The following ETV1 variants were observed in gnomAD, a reference collection of about 807,000 sequenced individuals.
ETV1 encodes the protein ETS variant transcription factor 1.
Under a neutral mutation model 62.3 loss-of-function variants are expected in ETV1, and 27 were observed. The observed-to-expected ratio is 0.43, with a 90% CI of 0.32 to 0.60. ETV1 has a LOEUF of 0.60. Ranked by LOEUF, ETV1 falls within the 20% of genes least tolerant of loss-of-function variation. The probability of loss-of-function intolerance (pLI) is 0.06; values close to 1 mark genes in which losing one functional copy is unlikely to be tolerated. For synonymous variants in ETV1, 222 were observed against 199.6 expected (o/e 1.11, Z -0.94); for missense variants, 605 against 605.8 (o/e 1.00, Z 0.01).
At chr7:13,976,296 G>T (rs1041290348) in intron 6 of ETV1, among the ~76,000 whole-genome samples, 2 of 152,168 alleles carry the variant, frequency 1.3e-5, no homozygotes, top group Non-Finnish European at 2.9e-5. Context: ...AGTGGTGAAG[G>T]TTGTACAACA....
chr7:13,960,591 A>C (rs1790054172), intron 6 of ETV1, among the ~76,000 whole-genome samples: 1 of 152,092 alleles, frequency 6.6e-6, no homozygotes, highest in Non-Finnish European at 1.5e-5. Flanking sequence ...TAAATCTATA[A>C]AATTTATAAA....
intron 4 of ETV1, among the ~76,000 whole-genome samples, chr7:13,987,452 T>C (rs901016751): frequency 1.3e-5 from 2 of 152,178 alleles, no homozygotes; most frequent in African/African-American, 4.8e-5. Context: ...ATGGCTAAAA[T>C]AATTTGTAAC....
At chr7:13,972,911 T>C (rs919063752) in intron 6 of ETV1, among the ~76,000 whole-genome samples, 3 of 152,204 alleles carry the variant, frequency 2.0e-5, no homozygotes, top group Non-Finnish European at 4.4e-5. Flanking sequence ...GCCCAGGCTC[T>C]GTTTTCACTT....
chr7:13,897,415 T>G (rs940457377), intron 13 of ETV1, among the ~76,000 whole-genome samples: 4 of 152,220 alleles, frequency 2.6e-5, no homozygotes, highest in African/African-American at 9.6e-5. Flanking sequence ...AGAACATTTT[T>G]TGTTTCTTTT....
intron 9 of ETV1, among the ~76,000 whole-genome samples, chr7:13,913,870 G>C (rs1279067735): frequency 1.4e-5 from 2 of 147,878 alleles, no homozygotes; most frequent in African/African-American, 5.0e-5. Context: ...AACTATTTGG[G>C]GGTACCTCTT....
At chr7:13,988,841 C>T in intron 3 of ETV1, 167 bp downstream of exon 3, 2 of 1,594,874 alleles carry the variant, frequency 1.3e-6, no homozygotes, top group Admixed American at 1.8e-5. Context: ...AAGGTAAGCT[C>T]ATTTTGAAGA....
In ETV1 at chr7:13,957,231, G is replaced by A. The variant is rs7810521; in HGVS notation, c.236-17985C>T. The stretch of plus-strand genomic sequence containing the variant: ...CTCCCAAGTAGCTGGGACTACAGGC[G>A]GCCGCCACCATGCCCAGCTAATTTT... On this transcript the variant is annotated intron_variant, in intron 6 of 13. Coordinates refer to ENST00000430479, the MANE Select transcript of ETV1 (RefSeq NM_004956.5). Among the ~76,000 whole-genome samples, 231 of 151,822 alleles carry A rather than the reference G, an allele frequency of 1.5e-3. 1 individual carries two copies. Among genetic ancestry groups the A allele is most frequent in the African/African-American group, 5.2e-3 (215 of 41,414 alleles).
chr7:13,968,273 A>C (rs746154196), intron 6 of ETV1, among the ~76,000 whole-genome samples: 2 of 152,016 alleles, frequency 1.3e-5, no homozygotes, highest in Non-Finnish European at 2.9e-5. Flanking sequence ...GAAAAATAGG[A>C]AAGAAAAAGC....
At position 13,894,076 on chromosome 7, in the gene ETV1, G is replaced by T. The variant is rs1373896273; in HGVS notation, c.*1790C>A. On this transcript the variant is annotated 3_prime_UTR_variant, in exon 14 of 14. Coordinates refer to ENST00000430479, the MANE Select transcript of ETV1 (RefSeq NM_004956.5). Reference sequence around the variant, plus strand: ...AGTTTTGGAAAATGGGTAGCTGGGGGGATCATCTTTAAACAATCTTTTTCA... The same window carrying T: ...AGTTTTGGAAAATGGGTAGCTGGGGTGATCATCTTTAAACAATCTTTTTCA... 4.3e-5 allele frequency: 10 copies of T among 232,766 alleles called. No homozygotes were observed. The South Asian group carries it at 1.3e-3, about 30-fold the overall frequency. The allele number at this position is 232,766 out of a possible 1,614,324, so 14.4% of individuals were successfully genotyped here.
intron 8 of ETV1, among the ~76,000 whole-genome samples, 165 bp from the exon 9 acceptor site, chr7:13,931,914 TG>T (rs1365682200): frequency 1.3e-5 from 2 of 152,186 alleles, no homozygotes; most frequent in Non-Finnish European, 2.9e-5. Context: ...AGTAGCTCTA[TG>T]TTTTTTAATC....
chr7:13,897,595 C>G (rs978176028), intron 13 of ETV1, among the ~76,000 whole-genome samples: 1 of 152,048 alleles, frequency 6.6e-6, no homozygotes. Flanking sequence ...CCTCAGAAAG[C>G]CCATTGCAAG....
At chr7:13,954,550 G>A (rs1789194135) in intron 6 of ETV1, among the ~76,000 whole-genome samples, 1 of 152,128 alleles carries the variant, frequency 6.6e-6, no homozygotes, top group Non-Finnish European at 1.5e-5. Context: ...TCTCAGTTTG[G>A]TGATCCTATA....
At chr7:13,988,015 G>A (rs1302935157) in intron 4 of ETV1, 71 bp downstream of exon 4, 2 of 825,850 alleles carry the variant, frequency 2.4e-6, no homozygotes, top group Non-Finnish European at 4.2e-6. Flanking sequence ...AGACTGAAGT[G>A]CTCCTTTTCT....
intron 7 of ETV1, among the ~76,000 whole-genome samples, chr7:13,937,199 G>T (rs1786900630): frequency 6.6e-6 from 1 of 152,168 alleles, no homozygotes; most frequent in Admixed American, 6.5e-5. Context: ...TTTACAAGGA[G>T]TAAAGGAATA....
intron 6 of ETV1, among the ~76,000 whole-genome samples, chr7:13,976,720 C>T (rs534273046): frequency 1.3e-5 from 2 of 152,232 alleles, no homozygotes; most frequent in South Asian, 2.1e-4. Flanking sequence ...CAGTAAACCC[C>T]AAGGCAACCA....
Position 13,978,418 on chromosome 7 carries a change from C to T in ETV1, c.182-938G>A, listed in dbSNP as rs1013786274. 1.3e-4 allele frequency among the ~76,000 whole-genome samples: 19 copies of T among 151,038 alleles called. No individual in the cohort carries two copies. The East Asian group carries it at 3.5e-3, about 28-fold the overall frequency. Reference sequence around the variant, plus strand: ...ATGCAAACACACACACACACACACACGCCCAAAAAATAGAAGTTAGGTTAC... The same window carrying T: ...ATGCAAACACACACACACACACACATGCCCAAAAAATAGAAGTTAGGTTAC... On this transcript the variant is annotated intron_variant, in intron 5 of 13. Coordinates refer to ENST00000430479, the MANE Select transcript of ETV1 (RefSeq NM_004956.5).
intron 9 of ETV1, 126 bp downstream of exon 9, chr7:13,931,374 CGG>C (rs1786130512): frequency 2.0e-6 from 2 of 986,604 alleles, no homozygotes; most frequent in East Asian, 5.0e-5. Flanking sequence ...TTTCAATGAA[CGG>C]ACAAAATCTG....
Position 13,931,566 on chromosome 7 carries a change from G to A in ETV1, c.738C>T (p.Ala246=), listed in dbSNP as rs747684063. The change falls in exon 9 of 14, where the codon GCC becomes GCT. Residue 246 remains alanine, a synonymous_variant. Transcript: ENST00000430479. ...TCAGAGGAGGGGGAAAGCTTTGGCT[G>A]GCCGCACTGCCAACCATGGTGTTGT... ...YEHNTMVGSA[A]SQSFPPPLMI... The A allele has an allele frequency of 6.2e-7, 1 of 1,614,058 alleles. No homozygotes were observed. The highest frequency in any genetic ancestry group is 8.5e-7 in the Non-Finnish European group (1 of 1,179,896).
intron 9 of ETV1, among the ~76,000 whole-genome samples, chr7:13,930,505 T>C (rs1425960103): frequency 1.3e-5 from 2 of 151,738 alleles, no homozygotes; most frequent in East Asian, 2.0e-4. Context: ...GTGTTTTTAG[T>C]ACAGACAGGG....
Sources: gnomAD v4.1 joint callset for allele counts (sites outside exome capture counted in the v4.1 genomes callset) on GRCh38, gnomAD v4.1.1 for gene constraint, MANE v1.5 for transcripts, NCBI Gene and HGNC (gene_info 2026-07-23, HGNC 2026-07-21) for gene names.